Variants in SSH2 observed in about 807,000 individuals in gnomAD.
SSH2 encodes slingshot protein phosphatase 2.
Under a neutral mutation model 135.2 loss-of-function variants are expected in SSH2, and 37 were observed. The ratio of observed to expected loss-of-function variants is 0.27; its 90% CI spans 0.21 to 0.36. SSH2 has a LOEUF of 0.36. SSH2 is among the 10% of genes least tolerant of loss of function. SSH2 has a pLI of 1.00. For missense variants in SSH2, 1,408 were observed against 1,765.3 expected, an observed-to-expected ratio of 0.80 and a Z score of 3.63; for synonymous variants, 628 against 646.2, an observed-to-expected ratio of 0.97 and a Z score of 0.43.
chr17:29,882,401 A>T (rs555125878), intron 1 of SSH2, among the ~76,000 whole-genome samples: 1 of 152,218 alleles, frequency 6.6e-6, no homozygotes, highest in African/African-American at 2.4e-5. Context: ...GCACCTCATT[A>T]TATACTCAAG....
chr17:29,740,007 G>C (rs1174963880), intron 3 of SSH2, among the ~76,000 whole-genome samples: 1 of 152,192 alleles, frequency 6.6e-6, no homozygotes, highest in East Asian at 1.9e-4. Context: ...CTCTCTGGCT[G>C]CAATTCAGTT....
intron 6 of SSH2, among the ~76,000 whole-genome samples, chr17:29,682,234 G>C (rs2038016591): frequency 6.6e-6 from 1 of 152,082 alleles, no homozygotes; most frequent in South Asian, 2.1e-4. Context: ...TGTCTCTAGG[G>C]GAAGATTCAA....
chr17:29,928,805 C>T (rs899529543), intron 1 of SSH2, among the ~76,000 whole-genome samples: 2 of 114,074 alleles, frequency 1.8e-5, no homozygotes, highest in Non-Finnish European at 4.0e-5. Context: ...TTAAGGGTAA[C>T]CTGATGATTT....
At chr17:29,908,667 A>G (rs1351201318) in intron 1 of SSH2, among the ~76,000 whole-genome samples, 1 of 150,042 alleles carries the variant, frequency 6.7e-6, no homozygotes, top group Non-Finnish European at 1.5e-5. Flanking sequence ...GGGAGGCTGA[A>G]GCAGGAGAAC....
intron 14 of SSH2, among the ~76,000 whole-genome samples, chr17:29,642,273 C>T (rs2036193915): frequency 6.6e-6 from 1 of 152,066 alleles, no homozygotes; most frequent in African/African-American, 2.4e-5. Context: ...AAAAGACAAC[C>T]CTGCCTCCTC....
chr17:29,893,155 T>C (rs1193321710), intron 1 of SSH2, among the ~76,000 whole-genome samples: 1 of 152,008 alleles, frequency 6.6e-6, no homozygotes, highest in East Asian at 1.9e-4. Flanking sequence ...CTTCACCTCC[T>C]CAATACATCT....
chr17:29,713,269 A>G (rs1400551575), intron 3 of SSH2, among the ~76,000 whole-genome samples: 1 of 152,094 alleles, frequency 6.6e-6, no homozygotes, highest in African/African-American at 2.4e-5. Flanking sequence ...TGGGAGGCGG[A>G]GGCTGCAGTG....
At chr17:29,905,162 C>T (rs543558110) in intron 1 of SSH2, among the ~76,000 whole-genome samples, 1 of 152,134 alleles carries the variant, frequency 6.6e-6, no homozygotes, top group South Asian at 2.1e-4. Flanking sequence ...TTATATGGAA[C>T]CAAAAAAGAG....
intron 15 of SSH2, among the ~76,000 whole-genome samples, chr17:29,633,970 G>T (rs563133624): frequency 6.6e-6 from 1 of 152,344 alleles, no homozygotes; most frequent in African/African-American, 2.4e-5. Context: ...ACATCAGGCA[G>T]AGGCAAACTT....
chr17:29,639,143 C>T (rs141702280), intron 14 of SSH2, among the ~76,000 whole-genome samples: 2 of 152,056 alleles, frequency 1.3e-5, no homozygotes, highest in African/African-American at 2.4e-5. Context: ...TAAGGAGACA[C>T]GTGGAAAAAG....
At chr17:29,674,890 T>C (rs1279941897) in intron 8 of SSH2, among the ~76,000 whole-genome samples, 7 of 152,242 alleles carry the variant, frequency 4.6e-5, no homozygotes, top group African/African-American at 1.7e-4. Context: ...AAAGCCATCC[T>C]GGGCTGCATG....
chr17:29,627,714 T>C lies in SSH2; in HGVS notation c.*3127A>G, dbSNP rs1051298397. ...AATATTACGGTACTATAGTACTACA[T>C]GTCTACTACAGTATCCATTAGTCCT... On this transcript the variant is annotated 3_prime_UTR_variant, in exon 16 of 16. Coordinates refer to ENST00000540801, the MANE Select transcript of SSH2 (RefSeq NM_001282129.2). 11 of 152,662 alleles carry C rather than the reference T, an allele frequency of 7.2e-5. 1 individual carries two copies. The highest frequency in any genetic ancestry group is 7.2e-4 in the Admixed American group (11 of 15,282). The allele number at this position is 152,662 out of a possible 1,614,324, so 9.5% of individuals were successfully genotyped here.
intron 1 of SSH2, among the ~76,000 whole-genome samples, chr17:29,853,271 G>C (rs551647328): frequency 6.6e-6 from 1 of 151,508 alleles, no homozygotes; most frequent in South Asian, 2.1e-4. Flanking sequence ...ATTTTTAGTA[G>C]AGACAGGGTT....
intron 1 of SSH2, chr17:29,856,230 T>A: frequency 3.1e-6 from 1 of 317,938 alleles, no homozygotes; most frequent in East Asian, 1.0e-4. Context: ...ATTCAACTGC[T>A]TTGATTTAGC....
At chr17:29,823,787 G>A (rs2042696061) in intron 2 of SSH2, among the ~76,000 whole-genome samples, 1 of 149,188 alleles carries the variant, frequency 6.7e-6, no homozygotes, top group African/African-American at 2.5e-5. Context: ...GCTGAAGTAG[G>A]AGAATTGCTT....
intron 2 of SSH2, among the ~76,000 whole-genome samples, chr17:29,828,130 CA>C (rs2042778395): frequency 1.3e-5 from 2 of 152,296 alleles, no homozygotes; most frequent in Non-Finnish European, 1.5e-5. Context: ...TTTACAAAAA[CA>C]GAATTATTGA....
intron 2 of SSH2, among the ~76,000 whole-genome samples, chr17:29,841,640 T>A (rs2043042516): frequency 6.6e-6 from 1 of 152,256 alleles, no homozygotes; most frequent in African/African-American, 2.4e-5. Flanking sequence ...AAGGAATAGA[T>A]GTTACAATGT....
intron 3 of SSH2, among the ~76,000 whole-genome samples, chr17:29,709,397 C>T (rs1480190009): frequency 6.6e-6 from 1 of 152,188 alleles, no homozygotes; most frequent in East Asian, 1.9e-4. Context: ...AGTACAGGGG[C>T]TGAGTGTGGT....
chr17:29,903,099 T>C (rs1317954611), intron 1 of SSH2, among the ~76,000 whole-genome samples: 1 of 151,694 alleles, frequency 6.6e-6, no homozygotes, highest in East Asian at 1.9e-4. Flanking sequence ...AGCAGGAGAA[T>C]TGCCTGAGCA....
Sources: gnomAD v4.1 joint callset for allele counts (sites outside exome capture counted in the v4.1 genomes callset) on GRCh38, gnomAD v4.1.1 for gene constraint, MANE v1.5 for transcripts, NCBI Gene and HGNC (gene_info 2026-07-23, HGNC 2026-07-21) for gene names.